The following KIF25 variants were observed in gnomAD, a reference collection of about 807,000 sequenced individuals.
KIF25 encodes kinesin-like protein KIF25.
A neutral mutation model predicts 32.9 loss-of-function variants in KIF25; 19 were observed. The ratio of observed to expected loss-of-function variants is 0.58; its 90% CI spans 0.40 to 0.85. The LOEUF (loss-of-function observed/expected upper bound fraction) is 0.85, where lower values mean the gene tolerates loss of function less well. Ranked by LOEUF, KIF25 falls within the 40% of genes least tolerant of loss-of-function variation. The pLI is 0.00. For synonymous variants in KIF25, 225 were observed against 213.7 expected, an observed-to-expected ratio of 1.05 and a Z score of -0.46; for missense variants, 485 against 507.0, an observed-to-expected ratio of 0.96 and a Z score of 0.42.
intron 7 of KIF25, among the ~76,000 whole-genome samples, chr6:168,031,070 G>A (rs112989231): frequency 1.3e-4 from 20 of 152,288 alleles, no homozygotes; most frequent in Non-Finnish European, 2.6e-4. Context: ...CTTGTTAAAT[G>A]AGCATATCCA....
intron 5 of KIF25, among the ~76,000 whole-genome samples, chr6:168,021,666 C>T (rs998378959): frequency 2.0e-5 from 3 of 152,222 alleles, no homozygotes; most frequent in African/African-American, 7.2e-5. Flanking sequence ...AAACTCCAAA[C>T]CCATTAAACA....
intron 4 of KIF25, among the ~76,000 whole-genome samples, chr6:168,013,600 G>A (rs1049801437): frequency 2.6e-5 from 4 of 152,132 alleles, no homozygotes; most frequent in Middle Eastern, 3.2e-3. Flanking sequence ...GAGCTGTGTC[G>A]TGAATTCTCT....
In KIF25 at chr6:168,040,216, G is replaced by C. The variant is rs752861887; in HGVS notation, c.646G>C (p.Ala216Pro). 26 of 1,608,474 alleles carry C rather than the reference G, an allele frequency of 1.6e-5. No individual in the cohort carries two copies. Among genetic ancestry groups the C allele is most frequent in the Non-Finnish European group, 2.1e-5 (25 of 1,177,586 alleles). ...CACAGCCTCCTGCTCTGACAGCACT[G>C]GTAAGTCACCATTTGTGCTTGGTCA... ...LTTASCSDST[A>P]DQACSATLPR... The change falls in exon 10 of 13, where the codon GCA (alanine) becomes CCA (proline). Residue 216 changes from alanine to proline, a missense_variant and splice_region_variant. Ala to Pro is a conservative substitution (Grantham distance 27). Around this residue, in one of 2 missense-constraint regions of KIF25, gnomAD observed 480 missense variants for 470.3 expected, o/e 1.02. Coordinates refer to ENST00000643607, the MANE Select transcript of KIF25 (RefSeq NM_030615.4).
intron 5 of KIF25, among the ~76,000 whole-genome samples, chr6:168,020,555 A>G (rs1798775103): frequency 6.6e-6 from 1 of 152,214 alleles, no homozygotes; most frequent in South Asian, 2.1e-4. Flanking sequence ...ATGCAGACAT[A>G]AAATGCACGT....
intron 2 of KIF25, among the ~76,000 whole-genome samples, chr6:167,999,586 C>T (rs3778670): frequency 0.12 from 17,913 of 152,168 alleles, 1,204 homozygotes; most frequent in South Asian, 0.21. Flanking sequence ...AGAGGGCGTC[C>T]GTCTTTTCGT....
At chr6:168,007,923 T>C (rs1286046160) in intron 4 of KIF25, among the ~76,000 whole-genome samples, 1 of 152,216 alleles carries the variant, frequency 6.6e-6, no homozygotes, top group Non-Finnish European at 1.5e-5. Flanking sequence ...CATTTCCCTG[T>C]TGTGGTCAGT....
intron 4 of KIF25, among the ~76,000 whole-genome samples, chr6:168,006,844 T>A (rs1798585801): frequency 6.6e-6 from 1 of 152,242 alleles, no homozygotes; most frequent in South Asian, 2.1e-4. Flanking sequence ...AAACTCTTTT[T>A]CAAAAGGTAG....
At chr6:168,010,293 G>C (rs975892292) in intron 4 of KIF25, among the ~76,000 whole-genome samples, 2 of 151,618 alleles carry the variant, frequency 1.3e-5, no homozygotes, top group Admixed American at 6.6e-5. Context: ...TAACTTTTTT[G>C]CTGTGTCCCA....
chr6:167,999,407 C>T (rs1201840295), intron 2 of KIF25, 87 bp downstream of exon 2: 1 of 152,398 alleles, frequency 6.6e-6, no homozygotes, highest in Non-Finnish European at 1.5e-5. Flanking sequence ...CGTCTACTGT[C>T]CTGTCCCCGG....
At chr6:168,006,623 ATTAT>A (rs571138388) in intron 4 of KIF25, among the ~76,000 whole-genome samples, 44 of 152,354 alleles carry the variant, frequency 2.9e-4, no homozygotes, top group African/African-American at 1.0e-3. Flanking sequence ...CATTCAGCTT[ATTAT>A]GGTGATCACA....
At chr6:168,036,949 C>T (rs1439713522) in intron 8 of KIF25, among the ~76,000 whole-genome samples, 1 of 152,194 alleles carries the variant, frequency 6.6e-6, no homozygotes, top group African/African-American at 2.4e-5. Flanking sequence ...GTAATGTCAG[C>T]TACTCAGGAG....
At chr6:168,040,579 G>A (rs1028845512) in intron 10 of KIF25, among the ~76,000 whole-genome samples, 6 of 147,364 alleles carry the variant, frequency 4.1e-5, no homozygotes, top group African/African-American at 1.6e-4. Flanking sequence ...AAAAAAAGAA[G>A]AAGAAGAAGA....
intron 5 of KIF25, among the ~76,000 whole-genome samples, chr6:168,027,241 T>C (rs1267754703): frequency 6.6e-6 from 1 of 152,034 alleles, no homozygotes; most frequent in Non-Finnish European, 1.5e-5. Context: ...TTGCCTGAAC[T>C]CAGGAGTTCG....
At chr6:168,024,929 T>G (rs1167810293) in intron 5 of KIF25, among the ~76,000 whole-genome samples, 4 of 152,146 alleles carry the variant, frequency 2.6e-5, no homozygotes, top group Non-Finnish European at 5.9e-5. Context: ...CACACGCCTA[T>G]AGTCCCAGCT....
intron 5 of KIF25, among the ~76,000 whole-genome samples, chr6:168,019,571 T>A (rs1468482946): frequency 6.6e-6 from 1 of 152,132 alleles, no homozygotes; most frequent in African/African-American, 2.4e-5. Context: ...CCAGGGAGAC[T>A]CCATAGCGAG....
At chr6:168,027,125 A>G (rs1421697915) in intron 5 of KIF25, among the ~76,000 whole-genome samples, 1 of 152,162 alleles carries the variant, frequency 6.6e-6, no homozygotes, top group Admixed American at 6.5e-5. Flanking sequence ...GGGGCTTGAC[A>G]GCTCAGCTAA....
intron 11 of KIF25, 125 bp downstream of exon 11, chr6:168,042,276 G>T (rs1323812774): frequency 1.9e-6 from 2 of 1,043,554 alleles, no homozygotes; most frequent in African/African-American, 3.2e-5. Flanking sequence ...CCCTCCACAG[G>T]TGAGTTCCAA....
chr6:168,009,586 A>T (rs529772743), intron 4 of KIF25, among the ~76,000 whole-genome samples: 57 of 152,286 alleles, frequency 3.7e-4, no homozygotes, highest in Non-Finnish European at 7.1e-4. Context: ...CTGGCCTTGT[A>T]GAATGAGTTA....
intron 5 of KIF25, 74 bp from the exon 6 acceptor site, chr6:168,029,418 A>C: frequency 9.4e-7 from 1 of 1,067,540 alleles, no homozygotes. Flanking sequence ...GATGGTGTTA[A>C]AGAATAACTA....
Sources: allele counts gnomAD v4.1 joint callset (sites outside exome capture counted in the v4.1 genomes callset), GRCh38; gene constraint gnomAD v4.1.1; regional missense constraint gnomAD v4.1.1; transcripts MANE v1.5; gene names NCBI Gene and HGNC (gene_info 2026-07-23, HGNC 2026-07-21).